The following TYW1 variants were observed in gnomAD, a reference collection of about 807,000 sequenced individuals.
The protein encoded by TYW1 is tRNA-yW synthesizing protein 1 homolog, also known as S-adenosyl-L-methionine-dependent tRNA 4-demethylwyosine synthase TYW1.
In TYW1, 46 loss-of-function variants were observed where a neutral mutation model predicts 96.2. The ratio of observed to expected loss-of-function variants is 0.48; its 90% CI spans 0.38 to 0.61. The LOEUF (loss-of-function observed/expected upper bound fraction) is 0.61. Among genes scored for constraint, TYW1 ranks in the 20% least tolerant of loss-of-function variants. The pLI is 0.00. For synonymous variants in TYW1, 274 were observed against 323.0 expected (o/e 0.85, Z 1.63); for missense variants, 684 against 909.6 (o/e 0.75, Z 3.19).
chr7:67,188,267 C>T (rs1375612397), intron 14 of TYW1, among the ~76,000 whole-genome samples: 1 of 152,122 alleles, frequency 6.6e-6, no homozygotes, highest in Non-Finnish European at 1.5e-5. Flanking sequence ...CTGCAGTGAG[C>T]TGAGATCATG....
At chr7:67,038,058 T>C (rs916546075) in intron 7 of TYW1, among the ~76,000 whole-genome samples, 5 of 152,184 alleles carry the variant, frequency 3.3e-5, no homozygotes. Flanking sequence ...CCCAGTACTT[T>C]GGGAGGCCGA....
At chr7:67,095,693 C>T (rs1227478456) in intron 11 of TYW1, among the ~76,000 whole-genome samples, 2 of 129,084 alleles carry the variant, frequency 1.5e-5, no homozygotes, top group Non-Finnish European at 3.3e-5. Flanking sequence ...ACAACAACAA[C>T]AACAACAGCA....
chr7:67,117,322 A>G (rs1001121044), intron 12 of TYW1, among the ~76,000 whole-genome samples, 161 bp from the exon 13 acceptor site: 2 of 152,198 alleles, frequency 1.3e-5, no homozygotes, highest in African/African-American at 4.8e-5. Context: ...ATTTTGTCAC[A>G]TGATTAAAAT....
At position 67,014,387 on chromosome 7, in the gene TYW1, T is replaced by C; in HGVS notation, c.396T>C (p.Cys132=). The part of the protein sequence containing the change: ...LIEEVTSKNV[C]VFLVATYTDG... The stretch of plus-strand genomic sequence containing the variant: ...GTTAGGTGACTAGTAAAAATGTCTG[T>C]GTCTTCCTGGTTGCGACATACACTG... The change falls in exon 5 of 16, where the codon TGT becomes TGC. Residue 132 remains cysteine (C), a synonymous_variant. Coordinates refer to ENST00000359626, the MANE Select transcript of TYW1 (RefSeq NM_018264.4). 10 of 1,610,098 alleles carry C rather than the reference T, an allele frequency of 6.2e-6. No individual in the cohort carries two copies. The highest frequency in any genetic ancestry group is 7.6e-6 in the Non-Finnish European group (9 of 1,177,560).
intron 13 of TYW1, among the ~76,000 whole-genome samples, chr7:67,128,467 C>G (rs746658593): frequency 6.6e-5 from 10 of 152,150 alleles, no homozygotes; most frequent in Non-Finnish European, 7.3e-5. Flanking sequence ...CCCTTTGCAT[C>G]TGGTCGGGTT....
chr7:67,208,957 A>C (rs1800907504), intron 15 of TYW1, among the ~76,000 whole-genome samples: 1 of 152,178 alleles, frequency 6.6e-6, no homozygotes, highest in Admixed American at 6.6e-5. Context: ...ATTTTTGAAA[A>C]TGGATGATTT....
chr7:67,156,821 A>G (rs1798991735), intron 13 of TYW1, among the ~76,000 whole-genome samples: 1 of 151,256 alleles, frequency 6.6e-6, no homozygotes, highest in South Asian at 2.1e-4. Context: ...CCCAGTGTGA[A>G]TTCTCTCTCT....
intron 13 of TYW1, among the ~76,000 whole-genome samples, chr7:67,131,267 C>T (rs558564952): frequency 2.0e-5 from 3 of 152,120 alleles, no homozygotes; most frequent in Non-Finnish European, 4.4e-5. Context: ...ACAAAAACAC[C>T]TAGAAACATT....
intron 15 of TYW1, among the ~76,000 whole-genome samples, chr7:67,228,319 A>G (rs1213925567): frequency 6.6e-6 from 1 of 152,186 alleles, no homozygotes; most frequent in Non-Finnish European, 1.5e-5. Flanking sequence ...AGAGAAGAGA[A>G]CTTGTGCAGG....
At chr7:67,002,612 A>G (rs1366813412) in intron 3 of TYW1, among the ~76,000 whole-genome samples, 3 of 151,530 alleles carry the variant, frequency 2.0e-5, no homozygotes, top group African/African-American at 4.8e-5. Flanking sequence ...GAAGGTGACT[A>G]TTTGGATCTT....
Position 67,140,536 on chromosome 7 carries a change from T to A in TYW1, c.1698+22918T>A, listed in dbSNP as rs188799824. Among the ~76,000 whole-genome samples, 349 of 152,000 alleles carry A rather than the reference T, an allele frequency of 2.3e-3. 1 individual carries two copies. The highest frequency in any genetic ancestry group is 0.014 in the Middle Eastern group (4 of 294). On this transcript the variant is annotated intron_variant, in intron 13 of 15. Transcript: ENST00000359626. The stretch of plus-strand genomic sequence containing the variant: ...CATTAAATAAAGACCTATAAGCCAA[T>A]AGAAAATAAGAAAATAGAAAAATAA...
At chr7:67,167,427 G>A (rs1422640544) in intron 13 of TYW1, among the ~76,000 whole-genome samples, 1 of 141,348 alleles carries the variant, frequency 7.1e-6, no homozygotes, top group East Asian at 2.3e-4. Context: ...CGAGATTGCG[G>A]CACTGCACTC....
chr7:67,025,366 T>TAAA (rs3980716), intron 7 of TYW1, among the ~76,000 whole-genome samples: 179 of 148,838 alleles, frequency 1.2e-3, no homozygotes, highest in Middle Eastern at 0.01. Flanking sequence ...GCTGATGAGC[T>TAAA]AAAAAAAAAA....
At chr7:67,004,518 AC>A (rs1422513327) in intron 3 of TYW1, among the ~76,000 whole-genome samples, 1 of 152,182 alleles carries the variant, frequency 6.6e-6, no homozygotes, top group African/African-American at 2.4e-5. Flanking sequence ...TGGAGCCCTC[AC>A]CAGATGTAGT....
chr7:67,220,425 G>C (rs1315023244), intron 15 of TYW1, among the ~76,000 whole-genome samples: 1 of 151,896 alleles, frequency 6.6e-6, no homozygotes. Context: ...GGATAGTCTC[G>C]ATCTCCTGAC....
rs559345543 is a variant in TYW1, at chr7:67,136,620, A to G, written c.1698+19002A>G. Among the ~76,000 whole-genome samples the G allele has an allele frequency of 3.3e-5, 4 of 122,864 alleles. No individual in the cohort carries two copies. In the East Asian group the frequency reaches 6.4e-4, roughly 20 times the overall value. 80.6% of individuals were successfully genotyped at this position (122,864 alleles called of 152,430 possible). ...GATGAAGTGTAGATCCACATACCAT[A>G]TATTAGTATGTGTGTGTGTTTATAC... On this transcript the variant is annotated intron_variant, in intron 13 of 15. Coordinates refer to ENST00000359626, the MANE Select transcript of TYW1 (RefSeq NM_018264.4).
intron 1 of TYW1, 129 bp downstream of exon 1, chr7:66,997,111 C>G: frequency 6.6e-7 from 1 of 1,524,906 alleles, no homozygotes; most frequent in Non-Finnish European, 8.9e-7. Context: ...ACAGCACCGG[C>G]TAGTCGCCGC....
chr7:67,121,463 C>T (rs1451441047), intron 13 of TYW1, among the ~76,000 whole-genome samples: 1 of 152,182 alleles, frequency 6.6e-6, no homozygotes, highest in African/African-American at 2.4e-5. Context: ...ATTGCTTCAA[C>T]CGAGGAGGCG....
chr7:67,032,729 G>C (rs1422061021), intron 7 of TYW1, among the ~76,000 whole-genome samples: 1 of 151,986 alleles, frequency 6.6e-6, no homozygotes, highest in Non-Finnish European at 1.5e-5. Context: ...TCTTTCCAGG[G>C]AATGTTTTCA....
Sources: allele counts gnomAD v4.1 joint callset (sites outside exome capture counted in the v4.1 genomes callset), GRCh38; gene constraint gnomAD v4.1.1; transcripts MANE v1.5; gene names NCBI Gene and HGNC (gene_info 2026-07-23, HGNC 2026-07-21).